LRBA: variants seen among roughly 807,000 people sequenced by gnomAD.
LRBA encodes lipopolysaccharide-responsive and beige-like anchor protein.
Under a neutral mutation model 330.0 loss-of-function variants are expected in LRBA, and 176 were observed. The ratio of observed to expected loss-of-function variants is 0.53; its 90% CI spans 0.47 to 0.60. LRBA has a LOEUF of 0.60. LRBA is among the 20% of genes least tolerant of loss of function. LRBA has a pLI of 0.00. For synonymous variants in LRBA, 1,230 were observed against 1,193.0 expected (o/e 1.03, Z -0.64); for missense variants, 3,259 against 3,444.8 (o/e 0.95, Z 1.35).
chr4:150,799,399 C>A (rs183847803), intron 33 of LRBA, among the ~76,000 whole-genome samples: 1 of 152,292 alleles, frequency 6.6e-6, no homozygotes, highest in Admixed American at 6.5e-5. Context: ...AAGCAATACT[C>A]CCTCTCTTAC....
intron 17 of LRBA, among the ~76,000 whole-genome samples, chr4:150,877,257 C>CAAA (rs796849728): frequency 2.4e-5 from 2 of 81,768 alleles, no homozygotes; most frequent in Non-Finnish European, 2.7e-5. Context: ...GACTCCGTAT[C>CAAA]AAAAAAAAAA....
At chr4:150,835,026 T>G (rs1287689543) in intron 28 of LRBA, among the ~76,000 whole-genome samples, 4 of 152,212 alleles carry the variant, frequency 2.6e-5, no homozygotes, top group Non-Finnish European at 5.9e-5. Flanking sequence ...TACATATGGC[T>G]AGCTAGTTTT....
At chr4:150,415,062 G>A (rs1352932216) in intron 47 of LRBA, among the ~76,000 whole-genome samples, 1 of 152,074 alleles carries the variant, frequency 6.6e-6, no homozygotes. Context: ...TGAAAATCTT[G>A]TTTCTATTAT....
At chr4:150,724,903 TACAC>T (rs775904309) in intron 36 of LRBA, among the ~76,000 whole-genome samples, 59 of 145,534 alleles carry the variant, frequency 4.1e-4, no homozygotes, top group South Asian at 1.7e-3. Context: ...TGTATATATA[TACAC>T]ACACACACAC....
In LRBA at chr4:150,851,976, T is replaced by A; in HGVS notation, c.3734A>T (p.Asp1245Val). 1 of 1,614,144 alleles carries A rather than the reference T, an allele frequency of 6.2e-7. No individual in the cohort carries two copies. The highest frequency in any genetic ancestry group is 1.3e-5 in the African/African-American group (1 of 75,056). ...AGTATCTGTAGCAACATTGGAAACA[T>A]CCAACTTCGCAATCTTTTGCTCAGA... Reference protein sequence around the residue: ...ASSEQKIAKLDVSNVATDTER... With the variant: ...ASSEQKIAKLVVSNVATDTER... Residue 1245 changes from aspartate to valine, a missense_variant, in exon 23 of 57, where the codon GAT becomes GTT. By Grantham distance (152) the Asp-to-Val change is radical. Coordinates refer to ENST00000651943, the MANE Select transcript of LRBA (RefSeq NM_001364905.1).
intron 40 of LRBA, among the ~76,000 whole-genome samples, chr4:150,538,392 C>T (rs1764913843): frequency 6.6e-6 from 1 of 152,100 alleles, no homozygotes; most frequent in Non-Finnish European, 1.5e-5. Flanking sequence ...AACCTAGATG[C>T]CCAGCAACAG....
intron 46 of LRBA, among the ~76,000 whole-genome samples, chr4:150,417,837 T>G (rs985762832): frequency 2.0e-5 from 3 of 152,102 alleles, no homozygotes; most frequent in Non-Finnish European, 2.9e-5. Flanking sequence ...CAAATGACAT[T>G]TCATAGCAAT....
intron 2 of LRBA, among the ~76,000 whole-genome samples, chr4:150,977,250 G>A (rs1740288379): frequency 6.6e-6 from 1 of 152,130 alleles, no homozygotes; most frequent in South Asian, 2.1e-4. Context: ...AAGTTAAAAG[G>A]ACTTTGTCTT....
chr4:150,547,483 T>C (rs375833810), intron 40 of LRBA, among the ~76,000 whole-genome samples: 1 of 152,156 alleles, frequency 6.6e-6, no homozygotes, highest in South Asian at 2.1e-4. Flanking sequence ...GTCTGCTATA[T>C]TGTAGACAGC....
intron 2 of LRBA, among the ~76,000 whole-genome samples, chr4:150,957,016 G>A (rs1343012198): frequency 6.7e-6 from 1 of 148,888 alleles, no homozygotes; most frequent in Admixed American, 6.6e-5. Context: ...GTGTGTGAGT[G>A]TGTGCGTGTG....
intron 40 of LRBA, among the ~76,000 whole-genome samples, chr4:150,502,082 C>T (rs1000328291): frequency 6.6e-6 from 1 of 152,216 alleles, no homozygotes; most frequent in Admixed American, 6.5e-5. Flanking sequence ...TGCAAAGCAA[C>T]AGAGCTCCAG....
Position 150,569,342 on chromosome 4 carries a change from T to C in LRBA, c.6330+18706A>G, listed in dbSNP as rs529865400. On this transcript the variant is annotated intron_variant, in intron 40 of 56. Coordinates refer to ENST00000651943, the MANE Select transcript of LRBA (RefSeq NM_001364905.1). Reference sequence around the variant, plus strand: ...ATGTGTGTTTAACTTTAAATAAATATATGAAACAAGGAAAATTATATTCTA... The same window carrying C: ...ATGTGTGTTTAACTTTAAATAAATACATGAAACAAGGAAAATTATATTCTA... 3.9e-5 allele frequency among the ~76,000 whole-genome samples: 6 copies of C among 152,276 alleles called. 1 individual carries two copies. Among genetic ancestry groups the C allele is most frequent in the Middle Eastern group, 6.8e-3 (2 of 294 alleles).
At chr4:150,669,569 A>G (rs1045047898) in intron 37 of LRBA, among the ~76,000 whole-genome samples, 3 of 151,242 alleles carry the variant, frequency 2.0e-5, no homozygotes, top group African/African-American at 4.9e-5. Flanking sequence ...AGCTTGTCTA[A>G]TATTTTCTCT....
At chr4:150,936,833 G>A (rs929936469) in intron 2 of LRBA, among the ~76,000 whole-genome samples, 2 of 151,956 alleles carry the variant, frequency 1.3e-5, no homozygotes, top group African/African-American at 2.4e-5. Context: ...ACAATTTACT[G>A]CCAAGAAGAT....
intron 40 of LRBA, among the ~76,000 whole-genome samples, chr4:150,534,875 AAT>A (rs1764478905): frequency 6.6e-6 from 1 of 152,208 alleles, no homozygotes; most frequent in Non-Finnish European, 1.5e-5. Context: ...TTAGTTGCTT[AAT>A]GAGAACTCCA....
At chr4:150,504,431 C>A (rs931616292) in intron 40 of LRBA, among the ~76,000 whole-genome samples, 3 of 152,152 alleles carry the variant, frequency 2.0e-5, no homozygotes, top group Non-Finnish European at 4.4e-5. Flanking sequence ...AGAGTGGGGG[C>A]CAATATTCAA....
At chr4:150,657,265 A>C (rs1780288904) in intron 37 of LRBA, among the ~76,000 whole-genome samples, 1 of 152,216 alleles carries the variant, frequency 6.6e-6, no homozygotes, top group South Asian at 2.1e-4. Context: ...TTTTTAAAAA[A>C]ACAAAATATA....
intron 40 of LRBA, among the ~76,000 whole-genome samples, chr4:150,501,601 T>C (rs1295929046): frequency 4.1e-5 from 6 of 147,264 alleles, no homozygotes; most frequent in African/African-American, 1.5e-4. Flanking sequence ...CAAGACCCCA[T>C]CTCAAAAAAA....
At chr4:150,415,703 G>A (rs1747640298) in intron 46 of LRBA, 113 bp from the exon 47 acceptor site, 1 of 652,906 alleles carries the variant, frequency 1.5e-6, no homozygotes, top group African/African-American at 1.8e-5. Flanking sequence ...TAAACACAGG[G>A]AATTTTTTTT....
Sources: allele counts gnomAD v4.1 joint callset (sites outside exome capture counted in the v4.1 genomes callset), GRCh38; gene constraint gnomAD v4.1.1; transcripts MANE v1.5; gene names NCBI Gene and HGNC (gene_info 2026-07-23, HGNC 2026-07-21).